EIF4G3: variants seen among roughly 807,000 people sequenced by gnomAD.
The protein encoded by EIF4G3 is eukaryotic translation initiation factor 4 gamma 3, also known as eIF-4-gamma 3.
A neutral mutation model predicts 186.4 loss-of-function variants in EIF4G3; 34 were observed. The observed-to-expected ratio is 0.18, with a 90% CI of 0.14 to 0.24. EIF4G3 has a LOEUF of 0.24. EIF4G3 is among the 10% of genes least tolerant of loss of function. The pLI, the probability that EIF4G3 is intolerant of heterozygous loss-of-function variation, is 1.00. For synonymous variants in EIF4G3, 673 were observed against 679.5 expected (o/e 0.99, Z 0.15); for missense variants, 1,536 against 1,948.5 (o/e 0.79, Z 3.99).
intron 32 of EIF4G3, among the ~76,000 whole-genome samples, chr1:20,826,909 T>C (rs1050599297): frequency 6.6e-6 from 1 of 152,150 alleles, no homozygotes; most frequent in African/African-American, 2.4e-5. Context: ...TATTAACAAA[T>C]AGTCAACAGA....
At chr1:21,033,297 T>C (rs1036373823) in intron 4 of EIF4G3, among the ~76,000 whole-genome samples, 2 of 152,270 alleles carry the variant, frequency 1.3e-5, no homozygotes, top group African/African-American at 4.8e-5. Context: ...GGAAATAATA[T>C]TTCATGATAT....
chr1:21,008,020 G>T (rs2085783125), intron 4 of EIF4G3, among the ~76,000 whole-genome samples: 2 of 152,184 alleles, frequency 1.3e-5, no homozygotes, highest in South Asian at 2.1e-4. Context: ...GGGTGCAGTG[G>T]CTCATGCCTG....
Position 20,941,768 on chromosome 1 carries a change from G to A in EIF4G3, c.1386C>T (p.Ile462=), listed in dbSNP as rs1275768672. Residue 462 remains isoleucine (I), a synonymous_variant, in exon 14 of 37, where the codon ATC becomes ATT. Coordinates refer to ENST00000602326, the MANE Select transcript of EIF4G3 (RefSeq NM_001391906.1). ...GAAAGGAAGGAACTGTGGAAGGGGT[G>A]ATGGGAGCTGGGATACACTCCAGTT... ...EMKLECIPAP[I]TPSTVPSFPP... 1 of 1,612,078 alleles carries A rather than the reference G, an allele frequency of 6.2e-7. No individual in the cohort carries two copies. Among genetic ancestry groups the A allele is most frequent in the Admixed American group, 1.7e-5 (1 of 59,844 alleles).
chr1:20,938,445 G>A (rs945699600), intron 14 of EIF4G3, among the ~76,000 whole-genome samples: 3 of 152,160 alleles, frequency 2.0e-5, no homozygotes, highest in Non-Finnish European at 4.4e-5. Context: ...TGTTATTTAT[G>A]TATCAGGTTT....
chr1:21,124,552 T>G (rs2096991759), intron 2 of EIF4G3, among the ~76,000 whole-genome samples: 1 of 152,214 alleles, frequency 6.6e-6, no homozygotes, highest in South Asian at 2.1e-4. Context: ...CTTCTGGGAA[T>G]AGTCAGAAGC....
chr1:20,851,086 C>T (rs957764611), intron 28 of EIF4G3, among the ~76,000 whole-genome samples, 172 bp downstream of exon 28: 4 of 152,158 alleles, frequency 2.6e-5, no homozygotes, highest in African/African-American at 9.7e-5. Flanking sequence ...CTAAGGCATA[C>T]CTAGGGAATG....
intron 2 of EIF4G3, among the ~76,000 whole-genome samples, chr1:21,136,441 T>C (rs948822723): frequency 6.0e-5 from 9 of 150,218 alleles, no homozygotes; most frequent in Non-Finnish European, 8.9e-5. Flanking sequence ...TGCTTTAACC[T>C]GGGAGGCGGA....
chr1:21,129,635 G>C (rs2097115794), intron 2 of EIF4G3, among the ~76,000 whole-genome samples: 1 of 152,126 alleles, frequency 6.6e-6, no homozygotes, highest in South Asian at 2.1e-4. Flanking sequence ...CTATGAAGCA[G>C]AGGTCCCTGT....
chr1:21,061,589 T>C (rs1424879066), intron 3 of EIF4G3, among the ~76,000 whole-genome samples: 1 of 152,012 alleles, frequency 6.6e-6, no homozygotes, highest in African/African-American at 2.4e-5. Flanking sequence ...ACTAGCAAAT[T>C]TCAGATGAAA....
chr1:20,973,097 T>C lies in EIF4G3; in HGVS notation c.496A>G (p.Thr166Ala). ...ACCGGCTGACTTGGGTAAAAAGGCG[T>C]TCCTAAAAAGTTGGAAAAAATTAAA... ...GPGDFPNAYG[T>A]PFYPSQPVYQ... Residue 166 changes from threonine (T) to alanine (A), a missense_variant and splice_region_variant, in exon 11 of 37, where the codon ACG becomes GCG. By Grantham distance (58) the Thr-to-Ala change is moderately conservative (BLOSUM62 0). Coordinates refer to ENST00000602326, the MANE Select transcript of EIF4G3 (RefSeq NM_001391906.1). 1.2e-6 allele frequency: 2 copies of C among 1,607,720 alleles called. No homozygotes were observed. Among genetic ancestry groups the C allele is most frequent in the Non-Finnish European group, 1.7e-6 (2 of 1,178,456 alleles).
chr1:20,981,072 C>T lies in EIF4G3; in HGVS notation c.354G>A (p.Gln118=), dbSNP rs1313478421. The change falls in exon 9 of 37, where the codon CAG becomes CAA. Residue 118 remains glutamine, a synonymous_variant. Transcript: ENST00000602326. ...CCTGTGGTATACAGTACTGAGGCCC[C>T]TGGGGCACTGGGTACGGCATGGGCA... ...NHLPMPYPVP[Q]GPQYCIPQYR... 1 of 1,612,216 alleles carries T rather than the reference C, an allele frequency of 6.2e-7. No individual in the cohort carries two copies. The highest frequency in any genetic ancestry group is 1.1e-5 in the South Asian group (1 of 90,850).
intron 2 of EIF4G3, among the ~76,000 whole-genome samples, chr1:21,127,896 C>G (rs1265251359): frequency 6.6e-6 from 1 of 152,032 alleles, no homozygotes; most frequent in African/African-American, 2.4e-5. Context: ...AAAATCCACT[C>G]ATGGAAATAA....
In EIF4G3 at chr1:20,968,200, G is replaced by C. The variant is rs551914625; in HGVS notation, c.714+1274C>G. ...CTTTTTTTTTTTTTTTTAAGACAGA[G>C]TCTCTCTCTCTCTATTGCCCAGGCT... On this transcript the variant is annotated intron_variant, in intron 12 of 36. Transcript: ENST00000602326. Among the ~76,000 whole-genome samples the C allele has an allele frequency of 3.4e-5, 5 of 148,714 alleles. No individual in the cohort carries two copies. In the East Asian group the frequency reaches 9.8e-4, roughly 29 times the overall value.
At chr1:20,824,429 G>A (rs1335271244) in intron 33 of EIF4G3, among the ~76,000 whole-genome samples, 1 of 151,942 alleles carries the variant, frequency 6.6e-6, no homozygotes, top group African/African-American at 2.4e-5. Context: ...CTTAGCTTTA[G>A]TTTTCCTCAT....
intron 3 of EIF4G3, among the ~76,000 whole-genome samples, chr1:21,071,149 A>G (rs2095429066): frequency 6.6e-6 from 1 of 152,220 alleles, no homozygotes; most frequent in Non-Finnish European, 1.5e-5. Flanking sequence ...TCGTGCCTGT[A>G]ATCTCAAAAC....
At chr1:20,911,236 G>A (rs754323896) in intron 14 of EIF4G3, among the ~76,000 whole-genome samples, 34 of 151,972 alleles carry the variant, frequency 2.2e-4, no homozygotes, top group Admixed American at 4.6e-4. Context: ...CCGAAAAAAC[G>A]AAAAACCAAA....
intron 29 of EIF4G3, among the ~76,000 whole-genome samples, chr1:20,849,194 A>ACT (rs2072398750): frequency 6.6e-6 from 1 of 151,856 alleles, no homozygotes; most frequent in Non-Finnish European, 1.5e-5. Context: ...TGGTACTCAT[A>ACT]CTCTCTGCCC....
chr1:21,165,235 C>G (rs1486134068), intron 2 of EIF4G3, among the ~76,000 whole-genome samples: 1 of 152,202 alleles, frequency 6.6e-6, no homozygotes, highest in Non-Finnish European at 1.5e-5. Context: ...TTGGCAGGAA[C>G]ATAAAATGGT....
At chr1:21,025,116 C>G (rs2091865181) in intron 4 of EIF4G3, among the ~76,000 whole-genome samples, 2 of 152,014 alleles carry the variant, frequency 1.3e-5, no homozygotes, top group South Asian at 4.1e-4. Flanking sequence ...AGCACAAAGA[C>G]CTGAAAAACT....
Sources: gnomAD v4.1 joint callset for allele counts (sites outside exome capture counted in the v4.1 genomes callset) on GRCh38, gnomAD v4.1.1 for gene constraint, MANE v1.5 for transcripts, NCBI Gene and HGNC (gene_info 2026-07-23, HGNC 2026-07-21) for gene names.